The following KANK1 variants were observed in gnomAD, a reference collection of about 807,000 sequenced individuals.
KANK1 encodes the protein KN motif and ankyrin repeat domain-containing protein 1.
Under a neutral mutation model 106.2 loss-of-function variants are expected in KANK1, and 109 were observed. The observed-to-expected ratio is 1.03, with a 90% CI of 0.88 to 1.20. The LOEUF (loss-of-function observed/expected upper bound fraction) is 1.20, where lower values mean the gene tolerates loss of function less well. Among genes scored for constraint, KANK1 ranks in the 50% most tolerant of loss-of-function variants. KANK1 has a pLI of 0.00. For synonymous variants in KANK1, 873 were observed against 652.2 expected, an observed-to-expected ratio of 1.34 and a Z score of -5.16; for missense variants, 2,399 against 1,710.7, an observed-to-expected ratio of 1.40 and a Z score of -7.10.
Position 732,535 on chromosome 9 carries a change from A to AT in KANK1, c.3165dup (p.Glu1056Ter). The AT allele has an allele frequency of 6.2e-7, 1 of 1,614,180 alleles. No homozygotes were observed. The highest frequency in any genetic ancestry group is 8.5e-7 in the Non-Finnish European group (1 of 1,180,028). On this transcript the variant is annotated frameshift_variant, in exon 6 of 12. Transcript: ENST00000382297. LOFTEE classifies it high-confidence loss of function. The stretch of plus-strand genomic sequence containing the variant: ...GGCAGAAGGGCACCATGCAGTTAAT[A>AT]TTGAAGGTTTGAAGTCTGCCAGGGT...
chr9:489,180 T>C (rs1368231379), intron 3 of KANK1: 1 of 152,214 alleles, frequency 6.6e-6, no homozygotes, highest in Non-Finnish European at 1.5e-5. Flanking sequence ...ATTTTATGAA[T>C]GAATAAACTT....
At chr9:635,898 C>G (rs756177922) in intron 1 of KANK1, among the ~76,000 whole-genome samples, 11 of 151,950 alleles carry the variant, frequency 7.2e-5, no homozygotes, top group Non-Finnish European at 1.3e-4. Flanking sequence ...TGGTCTTGAA[C>G]TCCTGGCCTC....
intron 1 of KANK1, among the ~76,000 whole-genome samples, chr9:590,843 C>T (rs556600962): frequency 2.0e-5 from 3 of 151,882 alleles, no homozygotes; most frequent in South Asian, 2.1e-4. Context: ...ATTCTTCTAA[C>T]TGTATTTGTG....
chr9:624,509 A>C (rs1275681613), intron 1 of KANK1, among the ~76,000 whole-genome samples: 1 of 152,152 alleles, frequency 6.6e-6, no homozygotes, highest in Non-Finnish European at 1.5e-5. Context: ...CATTAAAAAC[A>C]ATGATGAAAA....
chr9:502,778 G>T (rs144663026), upstream of KANK1, among the ~76,000 whole-genome samples: 1 of 152,078 alleles, frequency 6.6e-6, no homozygotes, highest in East Asian at 1.9e-4. Flanking sequence ...CACCCATCTC[G>T]GCCTCACAAA....
chr9:680,930 TA>T (rs1817427735), intron 2 of KANK1: 1 of 152,250 alleles, frequency 6.6e-6, no homozygotes, highest in East Asian at 1.9e-4. Flanking sequence ...CAAAACATTT[TA>T]GGCCAGATGG....
chr9:675,801 A>T (rs1248461132), intron 1 of KANK1, among the ~76,000 whole-genome samples: 1 of 152,236 alleles, frequency 6.6e-6, no homozygotes. Flanking sequence ...GCTACTCCAT[A>T]GGCAGAGCAG....
At chr9:628,776 C>A (rs557344846) in intron 1 of KANK1, among the ~76,000 whole-genome samples, 1 of 152,110 alleles carries the variant, frequency 6.6e-6, no homozygotes, top group East Asian at 1.9e-4. Flanking sequence ...GTCCCTGATA[C>A]CTGTTCAGTT....
chr9:686,925 A>C lies in KANK1; in HGVS notation c.37+9916A>C. On this transcript the variant is annotated intron_variant, in intron 2 of 11. Transcript: ENST00000382297. ...AGACTAAACATCTTCTAGAAAGGTA[A>C]AGGGGGCTTAGGGCTGGGGGCTTTT... The C allele has an allele frequency of 2.0e-6, 2 of 984,628 alleles. 1 individual carries two copies. The highest frequency in any genetic ancestry group is 9.4e-5 in the South Asian group (2 of 21,250). 61.0% of individuals were successfully genotyped at this position (984,628 alleles called of 1,614,324 possible). A position where few individuals can be genotyped will look rare whatever the true frequency, so the allele number is the denominator to read the frequency against.
Position 712,949 on chromosome 9 carries a change from A to C in KANK1, c.2183A>C (p.Asn728Thr), listed in dbSNP as rs763000856. 7.4e-6 allele frequency: 12 copies of C among 1,613,814 alleles called. No homozygotes were observed. Among genetic ancestry groups the C allele is most frequent in the East Asian group, 2.2e-5 (1 of 44,874 alleles). The change falls in exon 3 of 12, where the codon AAC (asparagine) becomes ACC (threonine). Residue 728 changes from asparagine to threonine, a missense_variant. By Grantham distance (65) the Asn-to-Thr change is moderately conservative. Coordinates refer to ENST00000382297, the MANE Select transcript of KANK1 (RefSeq NM_015158.5). ...GGAGAAGGCCGTGTCAAGGACATCA[A>C]CTCCTCCACCAAGACGCGGTCCATT... ...AVGEGRVKDINSSTKTRSIGV... is the reference protein window; with the variant it reads ...AVGEGRVKDITSSTKTRSIGV...
At chr9:744,781 G>A in intron 11 of KANK1, 192 bp downstream of exon 11, 2 of 1,469,614 alleles carry the variant, frequency 1.4e-6, no homozygotes, top group Non-Finnish European at 1.8e-6. Context: ...TTTAGCAGAG[G>A]CTGGACCTTG....
At chr9:510,643 T>G (rs1271822836) in intron 1 of KANK1, among the ~76,000 whole-genome samples, 1 of 152,076 alleles carries the variant, frequency 6.6e-6, no homozygotes, top group Non-Finnish European at 1.5e-5. Context: ...CACTGGACAG[T>G]GGGGTTGGTG....
intron 1 of KANK1, among the ~76,000 whole-genome samples, chr9:589,969 G>C (rs77128209): frequency 6.6e-6 from 1 of 152,118 alleles, no homozygotes; most frequent in Admixed American, 6.5e-5. Flanking sequence ...GCCAGATGAT[G>C]TAACTATCTG....
At chr9:504,991 C>G (rs1225204774) in intron 1 of KANK1, among the ~76,000 whole-genome samples, 1 of 151,362 alleles carries the variant, frequency 6.6e-6, no homozygotes, top group Non-Finnish European at 1.5e-5. Flanking sequence ...GCGTCGGCCC[C>G]GCGGCCGTCG....
At chr9:471,176 A>G (rs1181598045) in intron 2 of KANK1, among the ~76,000 whole-genome samples, 1 of 152,194 alleles carries the variant, frequency 6.6e-6, no homozygotes, top group African/African-American at 2.4e-5. Context: ...CATCTCTTCC[A>G]TCTGATGGAC....
chr9:644,228 A>C (rs758757804), intron 1 of KANK1, among the ~76,000 whole-genome samples: 1 of 150,964 alleles, frequency 6.6e-6, no homozygotes, highest in Admixed American at 6.6e-5. Context: ...AGACCGAACT[A>C]TAGTGTCTTC....
Position 745,214 on chromosome 9 carries a change from C to G in KANK1, c.4038C>G (p.Thr1346=). The part of the protein sequence containing the change: ...RLGRKTSPGP[T]HRGSFD ...GAAGGAAGACGTCTCCTGGCCCCAC[C>G]CACCGAGGTTCATTTGATTGATTGT... is the stretch of plus-strand genomic sequence containing the variant. The change falls in exon 12 of 12, where the codon ACC becomes ACG. Residue 1346 remains threonine (T), a synonymous_variant. Coordinates refer to ENST00000382297, the MANE Select transcript of KANK1 (RefSeq NM_015158.5). 1.2e-6 allele frequency: 2 copies of G among 1,614,124 alleles called. No individual in the cohort carries two copies. The highest frequency in any genetic ancestry group is 1.7e-6 in the Non-Finnish European group (2 of 1,179,988).
At chr9:629,451 A>G (rs1451861668) in intron 1 of KANK1, among the ~76,000 whole-genome samples, 2 of 152,234 alleles carry the variant, frequency 1.3e-5, no homozygotes, top group Admixed American at 6.5e-5. Context: ...TAATGGAGAA[A>G]CAAGCCATAA....
chr9:663,198 T>C (rs1471930508), intron 1 of KANK1, among the ~76,000 whole-genome samples: 6 of 146,838 alleles, frequency 4.1e-5, no homozygotes, highest in African/African-American at 1.5e-4. Flanking sequence ...AATAAATAAA[T>C]GAACAGAAAG....
Sources: allele counts gnomAD v4.1 joint callset (sites outside exome capture counted in the v4.1 genomes callset), GRCh38; gene constraint gnomAD v4.1.1; transcripts MANE v1.5; gene names NCBI Gene and HGNC (gene_info 2026-07-23, HGNC 2026-07-21).